Variants in PGGT1B observed in about 807,000 individuals in gnomAD.
The protein encoded by PGGT1B is geranylgeranyl transferase type-1 subunit beta.
In PGGT1B, 30 loss-of-function variants were observed where a neutral mutation model predicts 46.1. The observed-to-expected ratio is 0.65, with a 90% CI of 0.49 to 0.88. PGGT1B has a LOEUF of 0.88. PGGT1B is among the 40% of genes least tolerant of loss of function. The probability of loss-of-function intolerance (pLI) is 0.00; values close to 1 mark genes in which losing one functional copy is unlikely to be tolerated. For synonymous variants in PGGT1B, 170 were observed against 160.0 expected (o/e 1.06, Z -0.47); for missense variants, 376 against 455.9 (o/e 0.82, Z 1.60).
At chr5:115,222,884 C>A (rs1015428478) in intron 6 of PGGT1B, among the ~76,000 whole-genome samples, 1 of 152,110 alleles carries the variant, frequency 6.6e-6, no homozygotes, top group Non-Finnish European at 1.5e-5. Flanking sequence ...AACCAAACAC[C>A]GCATGTTCTC....
At chr5:115,262,234 A>T (rs1262742564) in intron 1 of PGGT1B, among the ~76,000 whole-genome samples, 2 of 152,152 alleles carry the variant, frequency 1.3e-5, no homozygotes, top group African/African-American at 4.8e-5. Context: ...CTACCATTAG[A>T]TTTATAGTTC....
In PGGT1B at chr5:115,210,343, A is replaced by T. The variant is rs1756186672; in HGVS notation, c.*2059T>A. 1 of 152,128 alleles carries T rather than the reference A, an allele frequency of 6.6e-6. No individual in the cohort carries two copies. Among genetic ancestry groups the T allele is most frequent in the African/African-American group, 2.4e-5 (1 of 41,458 alleles). The allele number at this position is 152,128 out of a possible 1,614,324, so 9.4% of individuals were successfully genotyped here. ...ATATGTGAAATATTGCTTATAATTT[A>T]TTTAATCGATAAATGCTTTTCTTGT... On this transcript the variant is annotated 3_prime_UTR_variant, in exon 9 of 9. Coordinates refer to ENST00000419445, the MANE Select transcript of PGGT1B (RefSeq NM_005023.4).
At chr5:115,236,898 C>T (rs536736160) in intron 4 of PGGT1B, among the ~76,000 whole-genome samples, 1 of 152,156 alleles carries the variant, frequency 6.6e-6, no homozygotes, top group East Asian at 1.9e-4. Context: ...ACTGGGTATA[C>T]GAAATTTCCA....
rs1368391332 is a variant in PGGT1B at position 115,238,015 on chromosome 5, T to A, written c.328-6A>T. The A allele has an allele frequency of 1.3e-5, 21 of 1,583,576 alleles. No individual in the cohort carries two copies. Among genetic ancestry groups the A allele is most frequent in the Non-Finnish European group, 1.7e-5 (20 of 1,165,992 alleles). On this transcript the variant is annotated splice_polypyrimidine_tract_variant and splice_region_variant and intron_variant, in intron 3 of 8. Coordinates refer to ENST00000419445, the MANE Select transcript of PGGT1B (RefSeq NM_005023.4). ...GGATGAGCTGTTCCAGGAGCCTAAA[T>A]ACAAAATTAATATAGTACTAATTAA...
chr5:115,239,456 T>C (rs1034272589), intron 3 of PGGT1B, among the ~76,000 whole-genome samples: 2 of 152,228 alleles, frequency 1.3e-5, no homozygotes, highest in East Asian at 1.9e-4. Flanking sequence ...CTGGCTATCC[T>C]ATTCCACATT....
chr5:115,232,877 G>A (rs1425711879), intron 5 of PGGT1B, among the ~76,000 whole-genome samples: 1 of 151,670 alleles, frequency 6.6e-6, no homozygotes, highest in Non-Finnish European at 1.5e-5. Flanking sequence ...GGAGGGAGAA[G>A]CCCTTTGAAA....
chr5:115,213,543 G>C (rs1412875775), intron 8 of PGGT1B, among the ~76,000 whole-genome samples: 2 of 152,162 alleles, frequency 1.3e-5, no homozygotes, highest in African/African-American at 4.8e-5. Flanking sequence ...GGCCGAGAAG[G>C]GCATATTCCT....
At chr5:115,250,139 C>T (rs1748027547) in intron 2 of PGGT1B, among the ~76,000 whole-genome samples, 1 of 152,106 alleles carries the variant, frequency 6.6e-6, no homozygotes, top group Non-Finnish European at 1.5e-5. Context: ...TTAGTCAAAT[C>T]TATCAAATTT....
intron 7 of PGGT1B, among the ~76,000 whole-genome samples, chr5:115,220,618 A>C (rs1756559507): frequency 6.6e-6 from 1 of 151,954 alleles, no homozygotes; most frequent in African/African-American, 2.4e-5. Context: ...GTATATTTTC[A>C]ACTGTGGAGC....
intron 6 of PGGT1B, among the ~76,000 whole-genome samples, chr5:115,223,126 AG>A (rs1756639582): frequency 6.6e-6 from 1 of 151,960 alleles, no homozygotes; most frequent in African/African-American, 2.4e-5. Flanking sequence ...AAAAAAAAAA[AG>A]AATTTTAAGG....
At chr5:115,225,649 AT>A (rs60269384) in intron 6 of PGGT1B, among the ~76,000 whole-genome samples, 9,666 of 144,322 alleles carry the variant, frequency 0.067, 329 homozygotes, top group African/African-American at 0.074. Flanking sequence ...GGTAAAGTAA[AT>A]TTTTTTTTTT....
intron 2 of PGGT1B, among the ~76,000 whole-genome samples, chr5:115,246,852 A>G (rs1486790116): frequency 3.9e-5 from 6 of 152,258 alleles, no homozygotes; most frequent in South Asian, 4.1e-4. Flanking sequence ...GCTGTTTAAC[A>G]TAAGTACTTT....
At chr5:115,255,702 A>G (rs1286877138) in intron 1 of PGGT1B, among the ~76,000 whole-genome samples, 1 of 152,208 alleles carries the variant, frequency 6.6e-6, no homozygotes, top group Non-Finnish European at 1.5e-5. Flanking sequence ...GCAAAAGGCT[A>G]TAAAAACAAG....
chr5:115,250,983 T>C (rs1212550477), intron 2 of PGGT1B, among the ~76,000 whole-genome samples: 2 of 152,204 alleles, frequency 1.3e-5, no homozygotes, highest in African/African-American at 4.8e-5. Context: ...GGTGTGAATA[T>C]GCTAATATAT....
intron 2 of PGGT1B, among the ~76,000 whole-genome samples, chr5:115,246,761 C>T (rs1345283485): frequency 5.9e-5 from 9 of 152,062 alleles, no homozygotes; most frequent in Non-Finnish European, 1.3e-4. Flanking sequence ...AAAACAATCC[C>T]GGTTTGACAC....
intron 4 of PGGT1B, among the ~76,000 whole-genome samples, chr5:115,237,104 T>C (rs1757207248): frequency 6.6e-6 from 1 of 152,228 alleles, no homozygotes; most frequent in Admixed American, 6.5e-5. Flanking sequence ...AAGTCATATA[T>C]GTACTGGATG....
At chr5:115,261,339 C>A (rs1172263923) in intron 1 of PGGT1B, among the ~76,000 whole-genome samples, 1 of 152,170 alleles carries the variant, frequency 6.6e-6, no homozygotes, top group African/African-American at 2.4e-5. Context: ...CTTCAGGGCT[C>A]AGCTCACATT....
Position 115,209,117 on chromosome 5 carries a change from A to T in PGGT1B, c.*3285T>A, listed in dbSNP as rs1490113557. On this transcript the variant is annotated 3_prime_UTR_variant, in exon 9 of 9. Transcript: ENST00000419445. ...TCCCATTTTCACAGTGATTTAAAAGAATATATATATATATGAAAATACACA... is the reference window on the plus strand; with the variant it reads ...TCCCATTTTCACAGTGATTTAAAAGTATATATATATATATGAAAATACACA... The T allele has an allele frequency of 6.6e-6, 1 of 151,094 alleles. No individual in the cohort carries two copies. Among genetic ancestry groups the T allele is most frequent in the East Asian group, 1.9e-4 (1 of 5,174 alleles). 9.4% of individuals were successfully genotyped at this position (151,094 alleles called of 1,614,324 possible).
rs538095322 is a variant in PGGT1B, at chr5:115,207,019, G to A, written c.*5383C>T. On this transcript the variant is annotated 3_prime_UTR_variant, in exon 9 of 9. Transcript: ENST00000419445. ...AATATCATGTATCTTTCCATTTGGT[G>A]GAATCTACATTTTTGCCTCTCAAGA... The A allele has an allele frequency of 6.6e-6, 1 of 151,428 alleles. No individual in the cohort carries two copies. The highest frequency in any genetic ancestry group is 2.1e-4 in the South Asian group (1 of 4,806). The allele number at this position is 151,428 out of a possible 1,614,324, so 9.4% of individuals were successfully genotyped here.
Sources: gnomAD v4.1 joint callset for allele counts (sites outside exome capture counted in the v4.1 genomes callset) on GRCh38, gnomAD v4.1.1 for gene constraint, MANE v1.5 for transcripts, NCBI Gene and HGNC (gene_info 2026-07-23, HGNC 2026-07-21) for gene names.